The following CEP162 variants were observed in gnomAD, a reference collection of about 807,000 sequenced individuals.
The protein encoded by CEP162 is centrosomal protein 162, also known as centrosomal protein of 162 kDa.
Under a neutral mutation model 169.2 loss-of-function variants are expected in CEP162, and 141 were observed. That is an observed-to-expected ratio of 0.83 (90% CI 0.73 to 0.96). CEP162 has a LOEUF of 0.96. Ranked by LOEUF, CEP162 falls within the 40% of genes least tolerant of loss-of-function variation. The pLI, the probability that CEP162 is intolerant of heterozygous loss-of-function variation, is 0.00. For synonymous variants in CEP162, 540 were observed against 526.4 expected, an observed-to-expected ratio of 1.03 and a Z score of -0.35; for missense variants, 1,600 against 1,587.2, an observed-to-expected ratio of 1.01 and a Z score of -0.14.
At chr6:84,162,192 A>T (rs2099526052) in intron 19 of CEP162, among the ~76,000 whole-genome samples, 1 of 152,208 alleles carries the variant, frequency 6.6e-6, no homozygotes, top group Non-Finnish European at 1.5e-5. Flanking sequence ...TTTTAAAATT[A>T]TAAAAGTAAA....
chr6:84,211,280 G>C (rs571878466), intron 6 of CEP162, among the ~76,000 whole-genome samples: 2 of 151,236 alleles, frequency 1.3e-5, no homozygotes, highest in African/African-American at 4.9e-5. Flanking sequence ...TGTAATCCCA[G>C]CACTTTGGGA....
chr6:84,155,338 T>C lies in CEP162; in HGVS notation c.2954A>G (p.Lys985Arg). 1 of 1,613,668 alleles carries C rather than the reference T, an allele frequency of 6.2e-7. No homozygotes were observed. Among genetic ancestry groups the C allele is most frequent in the Non-Finnish European group, 8.5e-7 (1 of 1,179,680 alleles). The change falls in exon 22 of 27, where the codon AAA (lysine) becomes AGA (arginine). Residue 985 changes from lysine (K) to arginine (R), a missense_variant. Transcript: ENST00000403245. Reference sequence around the variant, plus strand: ...CTGTTGTTCCATGGTACGAAGGCTTTTCTTTGCATCTTCATCTTTGCCCTC... The same window carrying C: ...CTGTTGTTCCATGGTACGAAGGCTTCTCTTTGCATCTTCATCTTTGCCCTC... ...DLEGKDEDAK[K>R]SLRTMEQQFQ... is the part of the protein sequence containing the mutation.
At chr6:84,141,684 T>C (rs1447555791) in intron 25 of CEP162, among the ~76,000 whole-genome samples, 1 of 152,172 alleles carries the variant, frequency 6.6e-6, no homozygotes, top group Non-Finnish European at 1.5e-5. Flanking sequence ...CCGGGGTGTA[T>C]AGGTTACTTG....
intron 21 of CEP162, 109 bp from the exon 22 acceptor site, chr6:84,155,619 T>C: frequency 1.4e-6 from 1 of 700,154 alleles, no homozygotes; most frequent in Non-Finnish European, 2.3e-6. Context: ...CATTTCTATA[T>C]ACCAATAACA....
At chr6:84,218,190 A>G (rs542712115) in intron 3 of CEP162, among the ~76,000 whole-genome samples, 4 of 152,364 alleles carry the variant, frequency 2.6e-5, no homozygotes, top group African/African-American at 9.6e-5. Flanking sequence ...GGAAATAATT[A>G]GGTGAACTAG....
chr6:84,184,989 C>A (rs935729046), intron 13 of CEP162, among the ~76,000 whole-genome samples, 198 bp downstream of exon 13: 7 of 151,786 alleles, frequency 4.6e-5, no homozygotes. Context: ...AACCCAAAAC[C>A]AATTCTTCAG....
chr6:84,225,325 A>G (rs897938536), intron 2 of CEP162, among the ~76,000 whole-genome samples: 13 of 152,230 alleles, frequency 8.5e-5, no homozygotes, highest in Non-Finnish European at 1.6e-4. Flanking sequence ...AAAGCTGTTC[A>G]GCATGTACTG....
At chr6:84,130,039 A>G (rs1029916521) in intron 25 of CEP162, among the ~76,000 whole-genome samples, 1 of 152,178 alleles carries the variant, frequency 6.6e-6, no homozygotes, top group African/African-American at 2.4e-5. Flanking sequence ...CGTTCCATCA[A>G]TACCTAGTTT....
chr6:84,204,700 C>G (rs988585273), intron 6 of CEP162, among the ~76,000 whole-genome samples: 1 of 152,070 alleles, frequency 6.6e-6, no homozygotes, highest in Non-Finnish European at 1.5e-5. Context: ...CATTCAAAAG[C>G]TAGCAGAAGG....
chr6:84,155,876 C>T (rs1284408336), intron 21 of CEP162, among the ~76,000 whole-genome samples: 2 of 152,040 alleles, frequency 1.3e-5, no homozygotes, highest in Admixed American at 1.3e-4. Flanking sequence ...ATTAGAAAAA[C>T]CAATCCTACA....
chr6:84,220,763 T>A (rs2099553401), intron 3 of CEP162, among the ~76,000 whole-genome samples: 1 of 152,156 alleles, frequency 6.6e-6, no homozygotes. Context: ...TTAAATCACC[T>A]TAAATCAATT....
intron 18 of CEP162, among the ~76,000 whole-genome samples, chr6:84,167,323 C>T (rs994530608): frequency 1.3e-5 from 2 of 152,132 alleles, no homozygotes; most frequent in Non-Finnish European, 2.9e-5. Flanking sequence ...TTCTTAATTT[C>T]CAGCATATTT....
At chr6:84,138,359 T>C (rs1487654330) in intron 25 of CEP162, among the ~76,000 whole-genome samples, 1 of 152,234 alleles carries the variant, frequency 6.6e-6, no homozygotes, top group Non-Finnish European at 1.5e-5. Flanking sequence ...GAGGCAGTTT[T>C]GAAGCCAGTG....
In CEP162 at chr6:84,215,403, G is replaced by T. The variant is rs147506897; in HGVS notation, c.382C>A (p.Gln128Lys). 6.1e-4 allele frequency: 978 copies of T among 1,610,538 alleles called. 8 individuals carry two copies. In the African/African-American group the frequency reaches 0.011, roughly 19 times the overall value. ...LGVGLDTLEE[Q>K]EEKEQFFARL... ...GCAAAAAATTGTTCTTTCTCCTCTT[G>T]TTCTTCTAATGTGTCCAATCCCACT... The change falls in exon 5 of 27, where the codon CAA becomes AAA. Residue 128 changes from glutamine (Q) to lysine (K), a missense_variant. Transcript: ENST00000403245.
chr6:84,160,006 A>G (rs1477050000), intron 21 of CEP162, among the ~76,000 whole-genome samples: 1 of 152,164 alleles, frequency 6.6e-6, no homozygotes, highest in African/African-American at 2.4e-5. Flanking sequence ...TTCTTTGCTT[A>G]GTTTTCCTTC....
In CEP162 at chr6:84,215,859, A is replaced by G. The variant is rs760714889; in HGVS notation, c.236T>C (p.Ile79Thr). ...AATCTTTTCAGCAGACTCCTCTTCT[A>G]TTTCCATAACAGGCTGAGAAGTCTT... ...TKKTSQPVME[I>T]EEESAEKIQF... Residue 79 changes from isoleucine to threonine, a missense_variant, in exon 4 of 27, where the codon ATA becomes ACA. Coordinates refer to ENST00000403245, the MANE Select transcript of CEP162 (RefSeq NM_014895.4). 6 of 1,583,452 alleles carry G rather than the reference A, an allele frequency of 3.8e-6. No individual in the cohort carries two copies. The highest frequency in any genetic ancestry group is 1.7e-4 in the Middle Eastern group (1 of 6,032).
Position 84,185,381 on chromosome 6 carries a change from T to C in CEP162, c.1469A>G (p.Lys490Arg), listed in dbSNP as rs1441060941. 6.2e-7 allele frequency: 1 copy of C among 1,613,616 alleles called. No homozygotes were observed. Among genetic ancestry groups the C allele is most frequent in the East Asian group, 2.2e-5 (1 of 44,846 alleles). The change falls in exon 13 of 27, where the codon AAG becomes AGG. Residue 490 changes from lysine (K) to arginine (R), a missense_variant. By Grantham distance (26) the Lys-to-Arg change is conservative. Coordinates refer to ENST00000403245, the MANE Select transcript of CEP162 (RefSeq NM_014895.4). ...AVMGKQVPYKKARSAPPLLKR... is the reference protein window; with the variant it reads ...AVMGKQVPYKRARSAPPLLKR... ...AAGTAAAGGAGGTGCACTTCTGGCCTTCTTGTATGGTACCTGTTTACCCAT... is the reference window on the plus strand; with the variant it reads ...AAGTAAAGGAGGTGCACTTCTGGCCCTCTTGTATGGTACCTGTTTACCCAT...
chr6:84,183,569 G>A (rs1034220299), intron 13 of CEP162, among the ~76,000 whole-genome samples: 1 of 152,040 alleles, frequency 6.6e-6, no homozygotes, highest in Non-Finnish European at 1.5e-5. Context: ...GACCTCACTA[G>A]GACTCACAGT....
At chr6:84,190,482 G>T (rs570518065) in intron 11 of CEP162, among the ~76,000 whole-genome samples, 12 of 152,162 alleles carry the variant, frequency 7.9e-5, no homozygotes, top group African/African-American at 2.6e-4. Flanking sequence ...CTCACTCTTC[G>T]GGTCCACGCT....
Sources: gnomAD v4.1 joint callset for allele counts (sites outside exome capture counted in the v4.1 genomes callset) on GRCh38, gnomAD v4.1.1 for gene constraint, MANE v1.5 for transcripts, NCBI Gene and HGNC (gene_info 2026-07-23, HGNC 2026-07-21) for gene names.